The following RIC8B variants were observed in gnomAD, a reference collection of about 807,000 sequenced individuals.
RIC8B encodes RIC8 guanine nucleotide exchange factor B.
In RIC8B, 16 loss-of-function variants were observed where a neutral mutation model predicts 57.5. That is an observed-to-expected ratio of 0.28 (90% confidence interval 0.19 to 0.42). The LOEUF (loss-of-function observed/expected upper bound fraction) is 0.42. Among genes scored for constraint, RIC8B ranks in the 10% least tolerant of loss-of-function variants. The pLI, the probability that RIC8B is intolerant of heterozygous loss-of-function variation, is 1.00. For missense variants in RIC8B, 481 were observed against 677.0 expected (o/e 0.71, Z 3.21); for synonymous variants, 216 against 250.8 (o/e 0.86, Z 1.31).
intron 4 of RIC8B, among the ~76,000 whole-genome samples, chr12:106,841,141 A>G (rs1209395689): frequency 6.6e-6 from 1 of 152,218 alleles, no homozygotes; most frequent in Admixed American, 6.5e-5. Flanking sequence ...ATTATTTACC[A>G]ATAACCAAAT....
chr12:106,880,022 T>A, intron 9 of RIC8B: 1 of 869,226 alleles, frequency 1.2e-6, no homozygotes, highest in Non-Finnish European at 1.4e-6. Context: ...ATCTCCGTTT[T>A]ACCATGATAT....
In RIC8B at chr12:106,779,681, A is replaced by ATTT. The variant is rs374606156; in HGVS notation, c.85-4301_85-4299dup. On this transcript the variant is annotated intron_variant, in intron 1 of 9. Transcript: ENST00000392837. Reference sequence around the variant, plus strand: ...TCAACACAGACACACACAAAAAAAAATTTTTTTTTTTTTTTTTCAGATATT... The same window carrying ATTT: ...TCAACACAGACACACACAAAAAAAAATTTTTTTTTTTTTTTTTTTTCAGATATT... 3.9e-3 allele frequency among the ~76,000 whole-genome samples: 532 copies of ATTT among 137,422 alleles called. 7 individuals are homozygous for ATTT. In the East Asian group the frequency reaches 0.045, roughly 12 times the overall value. The allele number at this position is 137,422 out of a possible 152,430, so 90.2% of individuals were successfully genotyped here. A position where few individuals can be genotyped will look rare whatever the true frequency, so the allele number is the denominator to read the frequency against.
intron 2 of RIC8B, among the ~76,000 whole-genome samples, chr12:106,794,132 G>A (rs1296426214): frequency 6.6e-6 from 1 of 152,278 alleles, no homozygotes; most frequent in South Asian, 2.1e-4. Flanking sequence ...GAGCCCAATA[G>A]ACATTCTGGA....
chr12:106,781,271 T>G lies in RIC8B; in HGVS notation c.85-2726T>G, dbSNP rs1051381839. 5.3e-5 allele frequency among the ~76,000 whole-genome samples: 8 copies of G among 152,140 alleles called. No homozygotes were observed. In the East Asian group the frequency reaches 1.5e-3, roughly 29 times the overall value. On this transcript the variant is annotated intron_variant, in intron 1 of 9. Transcript: ENST00000392837. ...GGCCAATTTAACTCTTTATATTTGA[T>G]TTTTTGCTCCTGTTTCTCTGGAAAT...
chr12:106,834,354 C>A (rs940253989), intron 4 of RIC8B, among the ~76,000 whole-genome samples: 8 of 152,134 alleles, frequency 5.3e-5, no homozygotes, highest in Non-Finnish European at 7.4e-5. Flanking sequence ...TTATTTAAAA[C>A]AGTTTGTTCA....
At chr12:106,803,215 C>CAAAAAAAAAAAA (rs55853235) in intron 2 of RIC8B, among the ~76,000 whole-genome samples, 13 of 84,014 alleles carry the variant, frequency 1.5e-4, no homozygotes, top group African/African-American at 5.4e-4. Context: ...TACCCTGTCT[C>CAAAAAAAAAAAA]AAAAAAAAAA....
At chr12:106,881,752 A>C (rs1008490956) in intron 9 of RIC8B, among the ~76,000 whole-genome samples, 3 of 152,142 alleles carry the variant, frequency 2.0e-5, no homozygotes, top group Admixed American at 6.6e-5. Flanking sequence ...TCTGTACCAA[A>C]TATTTCATTT....
chr12:106,817,085 T>A (rs2045606851), intron 3 of RIC8B, among the ~76,000 whole-genome samples: 1 of 152,176 alleles, frequency 6.6e-6, no homozygotes, highest in Non-Finnish European at 1.5e-5. Context: ...AAGAATGTCT[T>A]CATGAGTTTC....
intron 2 of RIC8B, among the ~76,000 whole-genome samples, chr12:106,813,187 CT>C (rs35584850): frequency 0.012 from 1,166 of 98,658 alleles, 4 homozygotes; most frequent in African/African-American, 0.039. Flanking sequence ...AATACTATGC[CT>C]TTTTTTTTTT....
chr12:106,842,552 C>CAAGTTAA lies in RIC8B; in HGVS notation c.837-34_837-28dup, dbSNP rs1449664493. The CAAGTTAA allele has an allele frequency of 2.0e-6, 3 of 1,493,774 alleles. No individual in the cohort carries two copies. In the South Asian group the frequency reaches 3.5e-5, roughly 17 times the overall value. The allele number at this position is 1,493,774 out of a possible 1,614,324, so 92.5% of individuals were successfully genotyped here. ...TTTGCATTTTAAAGGACTATTCAAT[C>CAAGTTAA]AAGTTAAAATATTGTATTTTTTTAA... On this transcript the variant is annotated intron_variant, in intron 4 of 9. Coordinates refer to ENST00000392837, the MANE Select transcript of RIC8B (RefSeq NM_001330145.2).
At chr12:106,871,495 A>C (rs929915040) in intron 9 of RIC8B, 5 of 141,664 alleles carry the variant, frequency 3.5e-5, no homozygotes, top group South Asian at 2.2e-4. Context: ...AAAAAAAAAA[A>C]AAACCAAAAA....
At chr12:106,794,468 A>G (rs2044389000) in intron 2 of RIC8B, among the ~76,000 whole-genome samples, 1 of 152,260 alleles carries the variant, frequency 6.6e-6, no homozygotes, top group African/African-American at 2.4e-5. Context: ...GTGAACCCAA[A>G]GAGATGCATA....
At chr12:106,856,718 C>G (rs915876220) in intron 7 of RIC8B, among the ~76,000 whole-genome samples, 1 of 152,164 alleles carries the variant, frequency 6.6e-6, no homozygotes, top group African/African-American at 2.4e-5. Context: ...TCCTTTAGGT[C>G]GGAGATCATG....
chr12:106,782,128 T>C (rs2043794312), intron 1 of RIC8B, among the ~76,000 whole-genome samples: 2 of 152,208 alleles, frequency 1.3e-5, no homozygotes, highest in Non-Finnish European at 1.5e-5. Context: ...TTTTGTCAGG[T>C]GAATATATTA....
chr12:106,835,502 C>T (rs541397575), intron 4 of RIC8B, among the ~76,000 whole-genome samples: 77 of 152,200 alleles, frequency 5.1e-4, no homozygotes, highest in African/African-American at 1.8e-3. Flanking sequence ...CATTTAATAC[C>T]CACATCAACC....
At chr12:106,827,473 C>T (rs2046158771) in intron 4 of RIC8B, among the ~76,000 whole-genome samples, 1 of 152,076 alleles carries the variant, frequency 6.6e-6, no homozygotes, top group Non-Finnish European at 1.5e-5. Context: ...TAAAGTGAAA[C>T]ATATGCTTAA....
intron 9 of RIC8B, chr12:106,872,972 G>A: frequency 1.1e-6 from 1 of 941,004 alleles, no homozygotes; most frequent in Non-Finnish European, 1.3e-6. Flanking sequence ...CATTTCATAA[G>A]GCATCTCTAT....
intron 7 of RIC8B, among the ~76,000 whole-genome samples, chr12:106,853,496 T>G (rs867121569): frequency 3.2e-5 from 4 of 124,516 alleles, no homozygotes; most frequent in Non-Finnish European, 6.5e-5. Flanking sequence ...TGAGACAGAG[T>G]CTCACTCCGT....
At chr12:106,878,527 A>G (rs1279270427) in intron 9 of RIC8B, among the ~76,000 whole-genome samples, 1 of 152,212 alleles carries the variant, frequency 6.6e-6, no homozygotes, top group African/African-American at 2.4e-5. Flanking sequence ...CTCTATGTTA[A>G]TTAAAATGCT....
Sources: allele counts gnomAD v4.1 joint callset (sites outside exome capture counted in the v4.1 genomes callset), GRCh38; gene constraint gnomAD v4.1.1; transcripts MANE v1.5; gene names NCBI Gene and HGNC (gene_info 2026-07-23, HGNC 2026-07-21).